The following MYO5B variants were observed in gnomAD, a reference collection of about 807,000 sequenced individuals.
The protein encoded by MYO5B is myosin VB.
A neutral mutation model predicts 229.3 loss-of-function variants in MYO5B; 143 were observed. That is an observed-to-expected ratio of 0.62 (90% CI 0.54 to 0.72). The LOEUF (loss-of-function observed/expected upper bound fraction) is 0.72, where lower values mean the gene tolerates loss of function less well. MYO5B is among the 30% of genes least tolerant of loss of function. The pLI is 0.00. For missense variants in MYO5B, 2,321 were observed against 2,331.0 expected, an observed-to-expected ratio of 1.00 and a Z score of 0.09; for synonymous variants, 918 against 885.2, an observed-to-expected ratio of 1.04 and a Z score of -0.66.
intron 1 of MYO5B, among the ~76,000 whole-genome samples, chr18:50,119,654 CAT>C (rs1045153217): frequency 2.0e-4 from 30 of 152,294 alleles, no homozygotes; most frequent in African/African-American, 5.5e-4. Context: ...CAATTATTCA[CAT>C]GTCTCCTTCT....
rs773272636 is a variant in MYO5B, at chr18:49,994,058, G to A, written c.613-1627C>T. Among the ~76,000 whole-genome samples the A allele has an allele frequency of 4.1e-4, 62 of 151,856 alleles. 1 individual carries two copies. Among genetic ancestry groups the A allele is most frequent in the Non-Finnish European group, 7.4e-4 (50 of 67,988 alleles). ...CATAGGCAGTTCCCTCTTTTCCCAC[G>A]GCTCTCTGCACCTAGTCGACTCATC... On this transcript the variant is annotated intron_variant, in intron 5 of 39. Transcript: ENST00000285039.
At chr18:49,923,088 G>T (rs899498594) in intron 17 of MYO5B, among the ~76,000 whole-genome samples, 2 of 152,118 alleles carry the variant, frequency 1.3e-5, no homozygotes, top group Non-Finnish European at 2.9e-5. Context: ...GTAGGAACAG[G>T]GCAGTGAGCG....
At chr18:49,941,466 T>C (rs980870087) in intron 14 of MYO5B, among the ~76,000 whole-genome samples, 1 of 152,198 alleles carries the variant, frequency 6.6e-6, no homozygotes, top group Admixed American at 6.5e-5. Flanking sequence ...ATAATCCTAT[T>C]CACAATATGC....
At chr18:50,088,990 A>AT (rs34890228) in intron 1 of MYO5B, among the ~76,000 whole-genome samples, 26,378 of 152,112 alleles carry the variant, frequency 0.17, 2,994 homozygotes, top group Middle Eastern at 0.25. Flanking sequence ...TAAAATGCTC[A>AT]TTTTTCCTGG....
Position 50,040,234 on chromosome 18 carries a change from G to T in MYO5B, c.219C>A (p.Asp73Glu). Residue 73 changes from aspartate to glutamate, a missense_variant, in exon 3 of 40, where the codon GAC (aspartate) becomes GAA (glutamate). By Grantham distance (45) the Asp-to-Glu change is conservative. Coordinates refer to ENST00000285039, the MANE Select transcript of MYO5B (RefSeq NM_001080467.3). ...CATGAAGATAGCTAAGGGCAGTCAG[G>T]TCATTTTCTCCCACCAAGATATCTG... ...RNPDILVGEN[D>E]LTALSYLHEP... 1 of 1,614,006 alleles carries T rather than the reference G, an allele frequency of 6.2e-7. No individual in the cohort carries two copies. Among genetic ancestry groups the T allele is most frequent in the Non-Finnish European group, 8.5e-7 (1 of 1,179,972 alleles).
At chr18:49,988,595 T>A (rs1162282355) in intron 7 of MYO5B, among the ~76,000 whole-genome samples, 1 of 152,204 alleles carries the variant, frequency 6.6e-6, no homozygotes, top group African/African-American at 2.4e-5. Context: ...CTGATCCAAA[T>A]CATCCAGATG....
chr18:49,843,165 A>T (rs1340908841), intron 34 of MYO5B, 76 bp downstream of exon 34: 1 of 1,587,884 alleles, frequency 6.3e-7, no homozygotes, highest in African/African-American at 1.3e-5. Context: ...CCAAACCCAG[A>T]CACAGAGAAG....
chr18:49,941,247 C>T (rs2025310209), intron 14 of MYO5B, among the ~76,000 whole-genome samples: 1 of 152,178 alleles, frequency 6.6e-6, no homozygotes, highest in African/African-American at 2.4e-5. Context: ...AGTTGCAGTT[C>T]CTTAGTTCCC....
intron 1 of MYO5B, among the ~76,000 whole-genome samples, chr18:50,116,170 C>A (rs1479404921): frequency 6.6e-6 from 1 of 152,092 alleles, no homozygotes; most frequent in Non-Finnish European, 1.5e-5. Flanking sequence ...CCTAATAGAC[C>A]AAAGTTTTCG....
intron 2 of MYO5B, among the ~76,000 whole-genome samples, chr18:50,043,276 ATTTAT>A (rs2030077824): frequency 3.0e-5 from 3 of 100,102 alleles, no homozygotes. Context: ...TTATAAATAT[ATTTAT>A]ATTTATATAT....
At chr18:49,839,840 T>A in intron 35 of MYO5B, 1 of 174,734 alleles carries the variant, frequency 5.7e-6, no homozygotes, top group East Asian at 1.4e-4. Flanking sequence ...AAATCACATG[T>A]AAGTTAAGGG....
chr18:49,962,478 G>A, intron 11 of MYO5B, 72 bp from the exon 12 acceptor site: 1 of 1,599,438 alleles, frequency 6.3e-7, no homozygotes, highest in Non-Finnish European at 8.6e-7. Flanking sequence ...CAGGGGCTCA[G>A]TGAGTTCTGG....
chr18:49,925,835 A>G lies in MYO5B; in HGVS notation c.2090+3677T>C, dbSNP rs537002674. 1.3e-4 allele frequency among the ~76,000 whole-genome samples: 20 copies of G among 152,320 alleles called. 1 individual carries two copies. The South Asian group carries it at 3.7e-3, about 28-fold the overall frequency. ...GGCTTGTAAGCAGGCAATGAAAGGC[A>G]GTCTAATTTGTCAGACTAGTGGTTT... On this transcript the variant is annotated intron_variant, in intron 17 of 39. Coordinates refer to ENST00000285039, the MANE Select transcript of MYO5B (RefSeq NM_001080467.3).
At chr18:49,889,595 C>G (rs1187735306) in intron 22 of MYO5B, among the ~76,000 whole-genome samples, 1 of 152,190 alleles carries the variant, frequency 6.6e-6, no homozygotes, top group Non-Finnish European at 1.5e-5. Context: ...TTTGCTTCTC[C>G]TTAACATTCT....
chr18:49,935,479 A>G (rs1228973244), intron 16 of MYO5B, among the ~76,000 whole-genome samples: 1 of 152,232 alleles, frequency 6.6e-6, no homozygotes, highest in East Asian at 1.9e-4. Context: ...TGGATGAGAT[A>G]ACAGGAAATG....
Position 49,990,150 on chromosome 18 carries a change from A to T in MYO5B, c.838+289T>A, listed in dbSNP as rs2025913590. On this transcript the variant is annotated intron_variant, in intron 7 of 39. Coordinates refer to ENST00000285039, the MANE Select transcript of MYO5B (RefSeq NM_001080467.3). ...TTCCTATGATGCTTAAAGTGCAAAC[A>T]TATCTTTCAGAATAATAAAGCATGA... Among the ~76,000 whole-genome samples, 4 of 152,236 alleles carry T rather than the reference A, an allele frequency of 2.6e-5. No homozygotes were observed. In the South Asian group the frequency reaches 8.3e-4, roughly 32 times the overall value.
intron 2 of MYO5B, among the ~76,000 whole-genome samples, chr18:50,047,253 A>T (rs1407451307): frequency 6.6e-6 from 1 of 152,194 alleles, no homozygotes; most frequent in African/African-American, 2.4e-5. Context: ...GAAAAAAACA[A>T]ACAACCCCAT....
intron 4 of MYO5B, among the ~76,000 whole-genome samples, chr18:50,006,697 G>A (rs1031398671): frequency 6.6e-6 from 1 of 152,146 alleles, no homozygotes; most frequent in Admixed American, 6.5e-5. Context: ...TTAGGCTGAT[G>A]AGCAAGATCA....
intron 16 of MYO5B, among the ~76,000 whole-genome samples, chr18:49,932,257 C>T (rs1393172936): frequency 6.6e-6 from 1 of 152,184 alleles, no homozygotes; most frequent in African/African-American, 2.4e-5. Flanking sequence ...CAATGGCTCA[C>T]TTGGTGCTGG....
Sources: allele counts gnomAD v4.1 joint callset (sites outside exome capture counted in the v4.1 genomes callset), GRCh38; gene constraint gnomAD v4.1.1; transcripts MANE v1.5; gene names NCBI Gene and HGNC (gene_info 2026-07-23, HGNC 2026-07-21).